Variants in ARHGAP39 observed in about 807,000 individuals in gnomAD.
The protein encoded by ARHGAP39 is rho GTPase-activating protein 39.
ARHGAP39 carries 44 observed loss-of-function variants against 106.9 expected under a neutral mutation model. The observed-to-expected ratio is 0.41, with a 90% confidence interval of 0.32 to 0.53. The LOEUF is 0.53. Ranked by LOEUF, ARHGAP39 falls within the 20% of genes least tolerant of loss-of-function variation. The pLI is 0.21. For missense variants in ARHGAP39, 1,496 were observed against 1,577.3 expected, an observed-to-expected ratio of 0.95 and a Z score of 0.87; for synonymous variants, 768 against 693.2, an observed-to-expected ratio of 1.11 and a Z score of -1.69.
chr8:144,572,236 G>T (rs532446459), intron 3 of ARHGAP39, among the ~76,000 whole-genome samples: 4 of 152,102 alleles, frequency 2.6e-5, no homozygotes, highest in African/African-American at 9.7e-5. Context: ...ATACTACAAG[G>T]CTACAGTAAC....
intron 10 of ARHGAP39, 50 bp downstream of exon 10, chr8:144,532,255 C>A (rs1321031570): frequency 2.5e-6 from 4 of 1,580,052 alleles, no homozygotes; most frequent in East Asian, 2.3e-5. Context: ...CCCCTGAGAA[C>A]CACTGCCTGA....
At chr8:144,674,955 T>C (rs544009530) in intron 1 of ARHGAP39, among the ~76,000 whole-genome samples, 1 of 152,242 alleles carries the variant, frequency 6.6e-6, no homozygotes, top group African/African-American at 2.4e-5. Context: ...GGCCTGCTTC[T>C]GAGTCTGCAG....
At chr8:144,606,184 G>A (rs549140196) in intron 1 of ARHGAP39, among the ~76,000 whole-genome samples, 1 of 152,224 alleles carries the variant, frequency 6.6e-6, no homozygotes, top group Non-Finnish European at 1.5e-5. Context: ...GCACAAGGGC[G>A]CTCAGGAGCA....
chr8:144,653,997 G>A (rs1007799365), intron 1 of ARHGAP39, among the ~76,000 whole-genome samples: 8 of 152,236 alleles, frequency 5.3e-5, no homozygotes, highest in African/African-American at 1.9e-4. Flanking sequence ...CGTGAGCACG[G>A]CTGTCTGGAC....
At chr8:144,587,629 C>G (rs896338955) in intron 2 of ARHGAP39, among the ~76,000 whole-genome samples, 1 of 149,382 alleles carries the variant, frequency 6.7e-6, no homozygotes, top group African/African-American at 2.5e-5. Context: ...TGGGTCCCCA[C>G]GAGGAAGAGT....
rs1215466867 is a variant in ARHGAP39, at chr8:144,644,943, C to T, written c.-81-39248G>A. Among the ~76,000 whole-genome samples, 3 of 152,250 alleles carry T rather than the reference C, an allele frequency of 2.0e-5. No individual in the cohort carries two copies. The highest frequency in any genetic ancestry group is 2.0e-4 in the Admixed American group (3 of 15,276). Reference sequence around the variant, plus strand: ...GTCCTCTGCTCCGTGCTGCCACACCCTGCCCAGTGCGCCCATTCAGGACAG... The same window carrying T: ...GTCCTCTGCTCCGTGCTGCCACACCTTGCCCAGTGCGCCCATTCAGGACAG... On this transcript the variant is annotated intron_variant, in intron 1 of 11. Transcript: ENST00000377307. The surrounding 1 kb of genome is among the most constrained non-coding windows in gnomAD (Gnocchi z 4.8).
Position 144,585,969 on chromosome 8 carries a change from C to T in ARHGAP39, c.81-4692G>A, listed in dbSNP as rs930662714. Among the ~76,000 whole-genome samples the T allele has an allele frequency of 1.3e-5, 2 of 152,148 alleles. No individual in the cohort carries two copies. The highest frequency in any genetic ancestry group is 1.9e-4 in the East Asian group (1 of 5,190). ...CTCTCCACTCTTGTTACCTGACCCC[C>T]GTGACTCAGGGTAGTTTTTTAGTTT... On this transcript the variant is annotated intron_variant, in intron 2 of 11. Transcript: ENST00000377307. The surrounding 1 kb of genome is among the most constrained non-coding windows in gnomAD (Gnocchi z 4.6).
chr8:144,621,436 G>A (rs760923253), intron 1 of ARHGAP39, among the ~76,000 whole-genome samples: 16 of 152,230 alleles, frequency 1.1e-4, no homozygotes, highest in Middle Eastern at 3.2e-3. Context: ...ATATCAACAC[G>A]ACAGGGTCCG....
rs1821452515 is a variant in ARHGAP39 at position 144,646,711 on chromosome 8, AGGGCAT to A, written c.-82+38969_-82+38974del. 1.3e-5 allele frequency among the ~76,000 whole-genome samples: 2 copies of A among 152,226 alleles called. No individual in the cohort carries two copies. Among genetic ancestry groups the A allele is most frequent in the Admixed American group, 6.5e-5 (1 of 15,290 alleles). On this transcript the variant is annotated intron_variant, in intron 1 of 11. Transcript: ENST00000377307. The surrounding 1 kb of genome is among the most constrained non-coding windows in gnomAD (Gnocchi z 5.7). ...CAGAAAACAACGCCTCTCTGAGCCAAGGGCATGGGAACCTGCAGGAGACAGCCTGGT... is the reference window on the plus strand; with the variant it reads ...CAGAAAACAACGCCTCTCTGAGCCAAGGGAACCTGCAGGAGACAGCCTGGT...
chr8:144,569,194 A>C (rs943587082), intron 3 of ARHGAP39, among the ~76,000 whole-genome samples: 17 of 152,356 alleles, frequency 1.1e-4, no homozygotes, highest in African/African-American at 3.8e-4. Flanking sequence ...GGAGCAAAGA[A>C]TATTTCTAGG....
chr8:144,644,670 C>A lies in ARHGAP39; in HGVS notation c.-81-38975G>T, dbSNP rs1821399522. On this transcript the variant is annotated intron_variant, in intron 1 of 11. Transcript: ENST00000377307. The surrounding 1 kb of genome is among the most constrained non-coding windows in gnomAD (Gnocchi z 4.8). ...TCCGAGGCCTTCTCTCACTACAGGC[C>A]CTTGGGAGCAGTGCAGTCTGCAGGA... Among the ~76,000 whole-genome samples, 1 of 152,208 alleles carries A rather than the reference C, an allele frequency of 6.6e-6. No individual in the cohort carries two copies. Among genetic ancestry groups the A allele is most frequent in the Non-Finnish European group, 1.5e-5 (1 of 68,038 alleles).
At chr8:144,603,340 C>T (rs1460942906) in intron 2 of ARHGAP39, among the ~76,000 whole-genome samples, 1 of 151,810 alleles carries the variant, frequency 6.6e-6, no homozygotes, top group African/African-American at 2.4e-5. Context: ...TGTGTGGAGG[C>T]ATGTGTGCAC....
At chr8:144,697,878 A>G in the ARHGAP39 span, among the ~76,000 whole-genome samples, 2 of 152,180 alleles carry the variant, frequency 1.3e-5, no homozygotes, top group Non-Finnish European at 2.9e-5. Context: ...ATACTTGGCC[A>G]TGGCATATTA....
chr8:144,629,249 T>C (rs111899937), intron 1 of ARHGAP39, among the ~76,000 whole-genome samples: 19,060 of 152,182 alleles, frequency 0.13, 2,877 homozygotes, highest in African/African-American at 0.35. Flanking sequence ...GCTGCCTGAT[T>C]AGGGGCAGCC....
At chr8:144,587,557 C>A (rs966165747) in intron 2 of ARHGAP39, among the ~76,000 whole-genome samples, 1 of 152,154 alleles carries the variant, frequency 6.6e-6, no homozygotes, top group African/African-American at 2.4e-5. Flanking sequence ...GAGGACAAAG[C>A]CCGGCAGCAT....
chr8:144,604,213 G>T lies in ARHGAP39; in HGVS notation c.80+1322C>A, dbSNP rs1307265025. Among the ~76,000 whole-genome samples, 1 of 152,120 alleles carries T rather than the reference G, an allele frequency of 6.6e-6. No homozygotes were observed. The highest frequency in any genetic ancestry group is 2.4e-5 in the African/African-American group (1 of 41,440). ...GGCCGGGAGGCAGCAGCTGCACCTC[G>T]GGGGGTGCGGGCGAGGCCTCTGTCG... is the stretch of plus-strand genomic sequence containing the variant. On this transcript the variant is annotated intron_variant, in intron 2 of 11. Transcript: ENST00000377307. The surrounding 1 kb of genome is among the most constrained non-coding windows in gnomAD (Gnocchi z 4.1).
chr8:144,608,487 C>T (rs1820377006), intron 1 of ARHGAP39, among the ~76,000 whole-genome samples: 1 of 152,176 alleles, frequency 6.6e-6, no homozygotes, highest in Non-Finnish European at 1.5e-5. Flanking sequence ...TCTGGGACCC[C>T]ACGCCACAGT....
intron 6 of ARHGAP39, among the ~76,000 whole-genome samples, chr8:144,542,640 C>T (rs1817243793): frequency 6.6e-6 from 1 of 150,466 alleles, no homozygotes; most frequent in Non-Finnish European, 1.5e-5. Flanking sequence ...CCCCCACCCC[C>T]ACTTCGACGG....
At chr8:144,552,623 T>C (rs1302630574) in intron 4 of ARHGAP39, among the ~76,000 whole-genome samples, 1 of 152,200 alleles carries the variant, frequency 6.6e-6, no homozygotes, top group African/African-American at 2.4e-5. Flanking sequence ...CTATCCCTGC[T>C]GTTCTAGGTG....
Sources: allele counts gnomAD v4.1 joint callset (sites outside exome capture counted in the v4.1 genomes callset), GRCh38; gene constraint gnomAD v4.1.1; non-coding constraint Gnocchi (gnomAD v3.1); transcripts MANE v1.5; gene names NCBI Gene and HGNC (gene_info 2026-07-23, HGNC 2026-07-21).